Variants in SEMA3E observed in about 807,000 individuals in gnomAD.
SEMA3E encodes semaphorin 3E.
SEMA3E carries 49 observed loss-of-function variants against 93.6 expected under a neutral mutation model. That is an observed-to-expected ratio of 0.52 (90% CI 0.42 to 0.66). The LOEUF (loss-of-function observed/expected upper bound fraction) is 0.66, where lower values mean the gene tolerates loss of function less well. Among genes scored for constraint, SEMA3E ranks in the 30% least tolerant of loss-of-function variants. The pLI is 0.00. For missense variants in SEMA3E, 906 were observed against 964.8 expected, an observed-to-expected ratio of 0.94 and a Z score of 0.81; for synonymous variants, 363 against 330.7, an observed-to-expected ratio of 1.10 and a Z score of -1.06.
intron 1 of SEMA3E, among the ~76,000 whole-genome samples, chr7:83,602,931 A>G (rs1793028300): frequency 6.6e-6 from 1 of 152,202 alleles, no homozygotes; most frequent in Non-Finnish European, 1.5e-5. Context: ...CTTAATAGAT[A>G]AAATTACACT....
At chr7:83,641,083 T>A (rs1437608822) in intron 1 of SEMA3E, among the ~76,000 whole-genome samples, 1 of 152,160 alleles carries the variant, frequency 6.6e-6, no homozygotes, top group African/African-American at 2.4e-5. Flanking sequence ...AATGCAGCAC[T>A]GATGAGAAAG....
chr7:83,514,997 C>A (rs908513033), intron 1 of SEMA3E, among the ~76,000 whole-genome samples: 2 of 152,154 alleles, frequency 1.3e-5, no homozygotes, highest in Non-Finnish European at 2.9e-5. Context: ...TTTCCACATA[C>A]TATTTTCTCC....
intron 1 of SEMA3E, among the ~76,000 whole-genome samples, chr7:83,536,622 A>C (rs536605788): frequency 6.6e-6 from 1 of 152,210 alleles, no homozygotes; most frequent in East Asian, 1.9e-4. Flanking sequence ...GTTAAAAAAC[A>C]CATCACAAAA....
chr7:83,489,060 C>A (rs1393701055), intron 2 of SEMA3E, among the ~76,000 whole-genome samples: 1 of 152,060 alleles, frequency 6.6e-6, no homozygotes, highest in Non-Finnish European at 1.5e-5. Context: ...GTGGTGAATA[C>A]TATCTTCCTA....
chr7:83,373,940 T>C (rs1020055171), intron 16 of SEMA3E, among the ~76,000 whole-genome samples: 3 of 151,974 alleles, frequency 2.0e-5, no homozygotes, highest in African/African-American at 7.2e-5. Context: ...GGCGCGGTGT[T>C]TCACGCCTGT....
chr7:83,415,229 C>T (rs1316258602), intron 5 of SEMA3E, among the ~76,000 whole-genome samples: 1 of 152,074 alleles, frequency 6.6e-6, no homozygotes, highest in Non-Finnish European at 1.5e-5. Flanking sequence ...CTTTTAAAAT[C>T]AAGTTGTAAT....
chr7:83,379,265 T>C (rs1238112739), intron 16 of SEMA3E, among the ~76,000 whole-genome samples: 5 of 151,464 alleles, frequency 3.3e-5, no homozygotes, highest in Non-Finnish European at 7.4e-5. Flanking sequence ...GAGAGGTAGA[T>C]GAGGATCGAA....
chr7:83,468,552 T>C (rs1406235500), intron 3 of SEMA3E, among the ~76,000 whole-genome samples: 1 of 117,654 alleles, frequency 8.5e-6, no homozygotes, highest in African/African-American at 4.3e-5. Flanking sequence ...ATTTATATAG[T>C]TTTTTTTTTT....
Position 83,367,523 on chromosome 7 carries a change from TTTTTTTAC to T in SEMA3E, c.*55_*62del, listed in dbSNP as rs1794687190. On this transcript the variant is annotated 3_prime_UTR_variant, in exon 17 of 17. Coordinates refer to ENST00000643230, the MANE Select transcript of SEMA3E (RefSeq NM_012431.3). ...TAATGCAAAGAAGTTGGATGATTTA[TTTTTTTAC>T]TTTTTTACTTTCCAAATATAAATTC... 6 of 1,537,140 alleles carry T rather than the reference TTTTTTTAC, an allele frequency of 3.9e-6. No individual in the cohort carries two copies. The African/African-American group carries it at 4.1e-5, about 11-fold the overall frequency.
intron 1 of SEMA3E, among the ~76,000 whole-genome samples, chr7:83,599,036 CT>C (rs1036930487): frequency 1.1e-4 from 16 of 152,076 alleles, no homozygotes; most frequent in African/African-American, 3.1e-4. Flanking sequence ...TTAAACTTAT[CT>C]TTTGTCATAC....
At chr7:83,576,753 G>A (rs1006536940) in intron 1 of SEMA3E, among the ~76,000 whole-genome samples, 1 of 152,032 alleles carries the variant, frequency 6.6e-6, no homozygotes, top group Non-Finnish European at 1.5e-5. Context: ...AGCCTCCCGA[G>A]TAGCTGGGAT....
intron 1 of SEMA3E, among the ~76,000 whole-genome samples, chr7:83,621,621 C>G (rs964845503): frequency 6.6e-6 from 1 of 152,172 alleles, no homozygotes; most frequent in Non-Finnish European, 1.5e-5. Flanking sequence ...TCCAAAACAC[C>G]ATGGTACTGG....
chr7:83,408,260 G>A, intron 6 of SEMA3E, 108 bp downstream of exon 6: 1 of 1,275,160 alleles, frequency 7.8e-7, no homozygotes, highest in Non-Finnish European at 1.1e-6. Flanking sequence ...TCTGAAATTT[G>A]TAAAGGAATT....
intron 9 of SEMA3E, 120 bp from the exon 10 acceptor site, chr7:83,402,896 A>G (rs544218452): frequency 1.1e-6 from 1 of 915,934 alleles, no homozygotes; most frequent in African/African-American, 1.7e-5. Context: ...CAATTTCTTT[A>G]AGCAAAGAAT....
chr7:83,487,227 T>A (rs1790276001), intron 2 of SEMA3E, among the ~76,000 whole-genome samples: 1 of 152,072 alleles, frequency 6.6e-6, no homozygotes, highest in African/African-American at 2.4e-5. Context: ...TATCTCTTGG[T>A]CTTATGGTCC....
chr7:83,600,082 T>C, intron 1 of SEMA3E, among the ~76,000 whole-genome samples: 1 of 152,208 alleles, frequency 6.6e-6, no homozygotes, highest in Middle Eastern at 3.2e-3. Context: ...AATCTACTTT[T>C]ACTCTCTCAT....
chr7:83,528,044 T>C (rs1791198993), intron 1 of SEMA3E, among the ~76,000 whole-genome samples: 1 of 152,080 alleles, frequency 6.6e-6, no homozygotes, highest in African/African-American at 2.4e-5. Flanking sequence ...ACTGAATTAC[T>C]GAACCTATAA....
At chr7:83,562,134 G>T (rs1041972388) in intron 1 of SEMA3E, among the ~76,000 whole-genome samples, 1 of 152,132 alleles carries the variant, frequency 6.6e-6, no homozygotes, top group African/African-American at 2.4e-5. Flanking sequence ...GGAAACATTT[G>T]AAAAGGATTT....
intron 4 of SEMA3E, among the ~76,000 whole-genome samples, chr7:83,453,777 AATTAT>A (rs1789414484): frequency 6.6e-6 from 1 of 152,192 alleles, no homozygotes; most frequent in Non-Finnish European, 1.5e-5. Context: ...TCTTGGTACA[AATTAT>A]AATCTGGACA....
Sources: gnomAD v4.1 joint callset for allele counts (sites outside exome capture counted in the v4.1 genomes callset) on GRCh38, gnomAD v4.1.1 for gene constraint, MANE v1.5 for transcripts, NCBI Gene and HGNC (gene_info 2026-07-23, HGNC 2026-07-21) for gene names.